The following ATF7IP2 variants were observed in gnomAD, a reference collection of about 807,000 sequenced individuals.
ATF7IP2 encodes activating transcription factor 7-interacting protein 2.
A neutral mutation model predicts 64.2 loss-of-function variants in ATF7IP2; 42 were observed. The observed-to-expected ratio is 0.65, with a 90% CI of 0.51 to 0.85. The LOEUF (loss-of-function observed/expected upper bound fraction) is 0.85. ATF7IP2 is among the 40% of genes least tolerant of loss of function. ATF7IP2 has a pLI of 0.00. For missense variants in ATF7IP2, 933 were observed against 784.2 expected, an observed-to-expected ratio of 1.19 and a Z score of -2.27; for synonymous variants, 308 against 272.8, an observed-to-expected ratio of 1.13 and a Z score of -1.27.
intron 9 of ATF7IP2, among the ~76,000 whole-genome samples, chr16:10,470,226 A>G (rs543012702): frequency 6.6e-6 from 1 of 152,324 alleles, no homozygotes; most frequent in South Asian, 2.1e-4. Flanking sequence ...TAGAAATTAT[A>G]TATATACACA....
chr16:10,409,937 C>G (rs1203963687), intron 1 of ATF7IP2, among the ~76,000 whole-genome samples: 1 of 152,108 alleles, frequency 6.6e-6, no homozygotes, highest in Non-Finnish European at 1.5e-5. Context: ...GTCTTTGTGC[C>G]TATTTTTATA....
chr16:10,463,827 G>C (rs1048431621), intron 9 of ATF7IP2, among the ~76,000 whole-genome samples: 1 of 152,202 alleles, frequency 6.6e-6, no homozygotes, highest in African/African-American at 2.4e-5. Flanking sequence ...AACTGAGGCT[G>C]ATCTACAGAT....
chr16:10,473,255 T>C (rs773595054), intron 10 of ATF7IP2, among the ~76,000 whole-genome samples: 3 of 152,194 alleles, frequency 2.0e-5, no homozygotes, highest in Non-Finnish European at 4.4e-5. Context: ...GAGTTACTAA[T>C]ATAGTTGCAA....
chr16:10,398,739 T>C (rs2047469603), intron 1 of ATF7IP2, among the ~76,000 whole-genome samples: 1 of 151,402 alleles, frequency 6.6e-6, no homozygotes, highest in African/African-American at 2.4e-5. Context: ...AAGGAAGGAG[T>C]AGAAAGGTGA....
intron 8 of ATF7IP2, chr16:10,447,710 C>G (rs1269299916): frequency 6.6e-6 from 1 of 152,126 alleles, no homozygotes; most frequent in Non-Finnish European, 1.5e-5. Context: ...GACAAAGAAC[C>G]AGGAAGTTTA....
chr16:10,410,310 A>AAGTTT, intron 1 of ATF7IP2, among the ~76,000 whole-genome samples: 1 of 137,786 alleles, frequency 7.3e-6, no homozygotes, highest in Non-Finnish European at 1.6e-5. Context: ...GTATATTCCT[A>AAGTTT]AGTTTTGTTT....
Position 10,482,010 on chromosome 16 carries a change from A to G in ATF7IP2, c.1810A>G (p.Lys604Glu), listed in dbSNP as rs1374681561. Reference protein sequence around the residue: ...LTWNITKINPKCAPVESYHLF... With the variant: ...LTWNITKINPECAPVESYHLF... The stretch of plus-strand genomic sequence containing the variant: ...TTGGAATATAACCAAAATCAATCCC[A>G]AGTGTGCTCCTGTAGAAAGCTACCA... The change falls in exon 14 of 14, where the codon AAG becomes GAG. Residue 604 changes from lysine to glutamate, a missense_variant. Lys to Glu is a moderately conservative substitution (Grantham distance 56). Coordinates refer to ENST00000562102, the MANE Select transcript of ATF7IP2 (RefSeq NM_001393719.1). The G allele has an allele frequency of 6.2e-7, 1 of 1,614,012 alleles. No homozygotes were observed. The highest frequency in any genetic ancestry group is 2.2e-5 in the East Asian group (1 of 44,874).
chr16:10,420,226 C>T (rs570356506), intron 3 of ATF7IP2, among the ~76,000 whole-genome samples: 20 of 152,252 alleles, frequency 1.3e-4, no homozygotes, highest in African/African-American at 4.6e-4. Flanking sequence ...TGCCCATCAC[C>T]GCAAAATACT....
chr16:10,420,754 A>C (rs894039407), intron 3 of ATF7IP2, among the ~76,000 whole-genome samples: 5 of 152,258 alleles, frequency 3.3e-5, no homozygotes, highest in African/African-American at 1.2e-4. Flanking sequence ...GGAATGAACC[A>C]CCTATGAAGA....
intron 1 of ATF7IP2, among the ~76,000 whole-genome samples, chr16:10,391,961 A>C (rs1350117123): frequency 6.6e-6 from 1 of 152,102 alleles, no homozygotes; most frequent in African/African-American, 2.4e-5. Flanking sequence ...GAATACTATA[A>C]GAACTTTGTG....
chr16:10,440,374 C>A lies in ATF7IP2; in HGVS notation c.1106C>A (p.Ala369Glu), dbSNP rs774549900. The A allele has an allele frequency of 6.5e-6, 10 of 1,533,002 alleles. No homozygotes were observed. Among genetic ancestry groups the A allele is most frequent in the East Asian group, 2.4e-5 (1 of 42,214 alleles). 95.0% of individuals were successfully genotyped at this position (1,533,002 alleles called of 1,614,324 possible). A position where few individuals can be genotyped will look rare whatever the true frequency, so the allele number is the denominator to read the frequency against. Residue 369 changes from alanine to glutamate, a missense_variant, in exon 8 of 14, where the codon GCA (alanine) becomes GAA (glutamate). Coordinates refer to ENST00000562102, the MANE Select transcript of ATF7IP2 (RefSeq NM_001393719.1). ...CTCTTTTTCTTCTAGGCAAAAATAG[C>A]AAAACTTCAAAGACGTATTAAAACA... ...GIADKLLAKI[A>E]KLQRRIKTVL... is the part of the protein sequence containing the mutation.
chr16:10,447,716 GT>G (rs2048856185), intron 8 of ATF7IP2: 1 of 152,206 alleles, frequency 6.6e-6, no homozygotes, highest in African/African-American at 2.4e-5. Flanking sequence ...GAACCAGGAA[GT>G]TTATTGTTTG....
chr16:10,429,449 C>G (rs1250078194), intron 4 of ATF7IP2, among the ~76,000 whole-genome samples: 2 of 152,228 alleles, frequency 1.3e-5, no homozygotes, highest in East Asian at 3.8e-4. Flanking sequence ...CTCCTGAGTT[C>G]AAGTGATTCG....
At chr16:10,392,950 G>C (rs1299368211) in intron 1 of ATF7IP2, among the ~76,000 whole-genome samples, 1 of 151,946 alleles carries the variant, frequency 6.6e-6, no homozygotes, top group East Asian at 1.9e-4. Flanking sequence ...CATGCCCACT[G>C]TACTTTAGCC....
At chr16:10,395,603 T>A (rs1371439590) in intron 1 of ATF7IP2, among the ~76,000 whole-genome samples, 1 of 152,168 alleles carries the variant, frequency 6.6e-6, no homozygotes, top group African/African-American at 2.4e-5. Context: ...CCAAGTGAGA[T>A]TTATTTCAGG....
chr16:10,450,387 G>C (rs182289224), intron 8 of ATF7IP2, among the ~76,000 whole-genome samples: 1 of 152,142 alleles, frequency 6.6e-6, no homozygotes, highest in Non-Finnish European at 1.5e-5. Flanking sequence ...TTTCTGTCTC[G>C]TTGATCTGTC....
At chr16:10,457,229 T>C in intron 8 of ATF7IP2, 143 bp from the exon 9 acceptor site, 1 of 659,618 alleles carries the variant, frequency 1.5e-6, no homozygotes, top group East Asian at 3.0e-5. Flanking sequence ...ATCACAATCA[T>C]GGTCATCAGC....
At chr16:10,442,282 A>G (rs989361651) in intron 8 of ATF7IP2, among the ~76,000 whole-genome samples, 2 of 152,286 alleles carry the variant, frequency 1.3e-5, no homozygotes, top group Non-Finnish European at 2.9e-5. Context: ...GTTCCTAACA[A>G]TTTTCCCCCT....
chr16:10,433,283 C>G (rs1022425283), intron 5 of ATF7IP2, among the ~76,000 whole-genome samples: 2 of 152,118 alleles, frequency 1.3e-5, no homozygotes, highest in Middle Eastern at 3.2e-3. Context: ...TCAAGCAATC[C>G]TCTCACCTCA....
Sources: allele counts gnomAD v4.1 joint callset (sites outside exome capture counted in the v4.1 genomes callset), GRCh38; gene constraint gnomAD v4.1.1; transcripts MANE v1.5; gene names NCBI Gene and HGNC (gene_info 2026-07-23, HGNC 2026-07-21).